XYLT1: variants seen among roughly 807,000 people sequenced by gnomAD.
The protein encoded by XYLT1 is beta-D-xylosyltransferase 1.
XYLT1 carries 36 observed loss-of-function variants against 91.3 expected under a neutral mutation model. The observed-to-expected ratio is 0.39, with a 90% CI of 0.30 to 0.52. The LOEUF is 0.52. Ranked by LOEUF, XYLT1 falls within the 20% of genes least tolerant of loss-of-function variation. The pLI, the probability that XYLT1 is intolerant of heterozygous loss-of-function variation, is 0.68. For missense variants in XYLT1, 1,242 were observed against 1,284.5 expected, an observed-to-expected ratio of 0.97 and a Z score of 0.51; for synonymous variants, 588 against 532.0, an observed-to-expected ratio of 1.11 and a Z score of -1.45.
intron 1 of XYLT1, among the ~76,000 whole-genome samples, chr16:17,467,820 TAC>T (rs1319852798): frequency 1.3e-5 from 2 of 152,150 alleles, no homozygotes; most frequent in Non-Finnish European, 2.9e-5. Flanking sequence ...AGGTTCCCTC[TAC>T]ATGCAAGAGC....
intron 1 of XYLT1, among the ~76,000 whole-genome samples, chr16:17,426,386 C>T (rs1351255268): frequency 6.6e-6 from 1 of 151,980 alleles, no homozygotes; most frequent in Non-Finnish European, 1.5e-5. Context: ...ATGGTGACAC[C>T]CTGACTCTAC....
intron 6 of XYLT1, among the ~76,000 whole-genome samples, chr16:17,142,612 T>TG (rs1286812299): frequency 1.3e-5 from 2 of 150,276 alleles, no homozygotes; most frequent in Non-Finnish European, 3.0e-5. Flanking sequence ...TTTTTTTTTT[T>TG]TTGTATTTTT....
At chr16:17,301,222 C>A (rs966969433) in intron 2 of XYLT1, among the ~76,000 whole-genome samples, 1 of 151,966 alleles carries the variant, frequency 6.6e-6, no homozygotes, top group Non-Finnish European at 1.5e-5. Context: ...ACCAGCCTGG[C>A]CAACATGGTG....
At chr16:17,448,016 C>A (rs1005520121) in intron 1 of XYLT1, among the ~76,000 whole-genome samples, 1 of 152,158 alleles carries the variant, frequency 6.6e-6, no homozygotes, top group African/African-American at 2.4e-5. Flanking sequence ...AGGAAACATA[C>A]ACATCAATTG....
Position 17,172,156 on chromosome 16 carries a change from C to T in XYLT1, c.1290-13247G>A, listed in dbSNP as rs114453616. 4.6e-3 allele frequency among the ~76,000 whole-genome samples: 705 copies of T among 152,284 alleles called. 4 individuals carry two copies. Among genetic ancestry groups the T allele is most frequent in the African/African-American group, 0.016 (651 of 41,552 alleles). ...GTAAGTATTAACTATGTTACTCTTG[C>T]AGCTGTGAATTAAATTTCTTTTTAT... On this transcript the variant is annotated intron_variant, in intron 5 of 11. Coordinates refer to ENST00000261381, the MANE Select transcript of XYLT1 (RefSeq NM_022166.4).
intron 5 of XYLT1, among the ~76,000 whole-genome samples, chr16:17,164,946 G>A (rs1487257890): frequency 6.6e-6 from 1 of 152,162 alleles, no homozygotes; most frequent in African/African-American, 2.4e-5. Flanking sequence ...ATGAGCTGGT[G>A]ACCCCAGGCA....
chr16:17,398,650 G>T (rs2035921160), intron 1 of XYLT1, among the ~76,000 whole-genome samples: 1 of 152,042 alleles, frequency 6.6e-6, no homozygotes, highest in Non-Finnish European at 1.5e-5. Context: ...GGTAGGGTTG[G>T]TTCCTTTTGA....
intron 2 of XYLT1, among the ~76,000 whole-genome samples, chr16:17,343,874 G>A (rs2035102651): frequency 6.6e-6 from 1 of 152,156 alleles, no homozygotes; most frequent in South Asian, 2.1e-4. Context: ...GTAACTCCAG[G>A]TCACATGAGG....
At chr16:17,367,293 G>A (rs1183247438) in intron 1 of XYLT1, among the ~76,000 whole-genome samples, 2 of 152,296 alleles carry the variant, frequency 1.3e-5, no homozygotes, top group Non-Finnish European at 2.9e-5. Context: ...ACCCGACATG[G>A]CCCAGACAGG....
chr16:17,281,556 A>T (rs996089239), intron 2 of XYLT1, among the ~76,000 whole-genome samples: 4 of 152,238 alleles, frequency 2.6e-5, no homozygotes, highest in Admixed American at 2.6e-4. Flanking sequence ...AGGAAAAAGG[A>T]ACAATGCTAT....
intron 7 of XYLT1, among the ~76,000 whole-genome samples, chr16:17,140,281 T>C (rs996051925): frequency 5.3e-5 from 8 of 152,172 alleles, no homozygotes; most frequent in Admixed American, 2.6e-4. Context: ...CAGGGAATAA[T>C]AGAGCAATGT....
In XYLT1 at chr16:17,101,981, T is replaced by C. The variant is rs1194760091; in HGVS notation, c.*6714A>G. ...AGGAAACTGCAACTTTCCATGGCAGTCCCTTCTTGTTATTCTCTACTCAGT... is the reference window on the plus strand; with the variant it reads ...AGGAAACTGCAACTTTCCATGGCAGCCCCTTCTTGTTATTCTCTACTCAGT... On this transcript the variant is annotated 3_prime_UTR_variant, in exon 12 of 12. Transcript: ENST00000261381. 1 of 152,172 alleles carries C rather than the reference T, an allele frequency of 6.6e-6. No individual in the cohort carries two copies. Among genetic ancestry groups the C allele is most frequent in the Non-Finnish European group, 1.5e-5 (1 of 68,034 alleles). 9.4% of individuals were successfully genotyped at this position (152,172 alleles called of 1,614,324 possible). A position where few individuals can be genotyped will look rare whatever the true frequency, so the allele number is the denominator to read the frequency against.
At chr16:17,256,730 C>A (rs1475569180) in intron 3 of XYLT1, among the ~76,000 whole-genome samples, 1 of 151,904 alleles carries the variant, frequency 6.6e-6, no homozygotes, top group Admixed American at 6.6e-5. Context: ...GGGAGCCATT[C>A]TCTTGCTGCA....
chr16:17,379,604 G>C (rs1339486723), intron 1 of XYLT1, among the ~76,000 whole-genome samples: 1 of 152,202 alleles, frequency 6.6e-6, no homozygotes, highest in African/African-American at 2.4e-5. Flanking sequence ...GTAGAGGACA[G>C]TGATCTGTAC....
At chr16:17,241,866 T>C (rs2033350118) in intron 3 of XYLT1, among the ~76,000 whole-genome samples, 1 of 152,254 alleles carries the variant, frequency 6.6e-6, no homozygotes, top group Non-Finnish European at 1.5e-5. Context: ...ACACTGTTGA[T>C]AGAGTCATAC....
intron 2 of XYLT1, among the ~76,000 whole-genome samples, chr16:17,356,899 G>A (rs115577444): frequency 0.02 from 3,034 of 152,116 alleles, 96 homozygotes; most frequent in African/African-American, 0.069. Flanking sequence ...GCCACTTGCC[G>A]GACGCAGTGG....
chr16:17,247,616 C>T (rs1041909368), intron 3 of XYLT1, among the ~76,000 whole-genome samples: 12 of 152,170 alleles, frequency 7.9e-5, no homozygotes, highest in Non-Finnish European at 1.8e-4. Context: ...ATAGGAAAGA[C>T]GTGAGGCTCA....
At chr16:17,378,270 C>T (rs1433849122) in intron 1 of XYLT1, among the ~76,000 whole-genome samples, 1 of 151,276 alleles carries the variant, frequency 6.6e-6, no homozygotes, top group Non-Finnish European at 1.5e-5. Flanking sequence ...CTGCAGTTCC[C>T]ATACCAAATA....
At chr16:17,332,517 G>C (rs1228449512) in intron 2 of XYLT1, among the ~76,000 whole-genome samples, 1 of 151,712 alleles carries the variant, frequency 6.6e-6, no homozygotes, top group African/African-American at 2.4e-5. Flanking sequence ...AGCCAAGATC[G>C]TGCCACTGCG....
Sources: gnomAD v4.1 joint callset for allele counts (sites outside exome capture counted in the v4.1 genomes callset) on GRCh38, gnomAD v4.1.1 for gene constraint, MANE v1.5 for transcripts, NCBI Gene and HGNC (gene_info 2026-07-23, HGNC 2026-07-21) for gene names.